CBL: variants seen among roughly 807,000 people sequenced by gnomAD.
CBL encodes the protein E3 ubiquitin-protein ligase CBL.
CBL carries 45 observed loss-of-function variants against 96.9 expected under a neutral mutation model. That is an observed-to-expected ratio of 0.46 (90% CI 0.37 to 0.60). CBL has a LOEUF of 0.60. Among genes scored for constraint, CBL ranks in the 20% least tolerant of loss-of-function variants. The pLI is 0.00. For synonymous variants in CBL, 420 were observed against 426.8 expected (o/e 0.98, Z 0.20); for missense variants, 1,024 against 1,143.5 (o/e 0.90, Z 1.51).
rs909575187 is a variant in CBL at position 119,306,268 on chromosome 11, C to T, written c.*6487C>T. The T allele has an allele frequency of 2.5e-6, 1 of 398,620 alleles. No homozygotes were observed. Among genetic ancestry groups the T allele is most frequent in the East Asian group, 3.6e-5 (1 of 28,084 alleles). 24.7% of individuals were successfully genotyped at this position (398,620 alleles called of 1,614,324 possible). On this transcript the variant is annotated 3_prime_UTR_variant, in exon 16 of 16. Coordinates refer to ENST00000264033, the MANE Select transcript of CBL (RefSeq NM_005188.4). ...AGAGCTTGAGAAAAATGCAGCCGAC[C>T]ACTCCCTGTGTTTGTACAGAGCAAA...
In CBL at chr11:119,285,035, C is replaced by G; in HGVS notation, c.1498C>G (p.Leu500Val). The change falls in exon 10 of 16, where the codon CTT (leucine) becomes GTT (valine). Residue 500 changes from leucine to valine, a missense_variant. Leu to Val is a conservative substitution (Grantham distance 32, BLOSUM62 1). Coordinates refer to ENST00000264033, the MANE Select transcript of CBL (RefSeq NM_005188.4). ...TTCCCTTCCCCCGGTGCCACCACGA[C>G]TTGACCTTCTGCCGCAGCGAGTATG... is the stretch of plus-strand genomic sequence containing the variant. ...QASLPPVPPRLDLLPQRVCVP... is the reference protein window; with the variant it reads ...QASLPPVPPRVDLLPQRVCVP... 1 of 1,614,198 alleles carries G rather than the reference C, an allele frequency of 6.2e-7. No individual in the cohort carries two copies. The highest frequency in any genetic ancestry group is 8.5e-7 in the Non-Finnish European group (1 of 1,180,032).
rs1313551870 is a variant in CBL, at chr11:119,303,754, G to C, written c.*3973G>C. 26 of 233,544 alleles carry C rather than the reference G, an allele frequency of 1.1e-4. No homozygotes were observed. In the Admixed American group the frequency reaches 1.5e-3, roughly 13 times the overall value. The allele number at this position is 233,544 out of a possible 1,614,324, so 14.5% of individuals were successfully genotyped here. A position where few individuals can be genotyped will look rare whatever the true frequency, so the allele number is the denominator to read the frequency against. ...GTTTGGTGAGTTGAAAGGTAAGTTG[G>C]CTCAGAGTTGCACAGTAGGGCATTA... On this transcript the variant is annotated 3_prime_UTR_variant, in exon 16 of 16. Transcript: ENST00000264033.
chr11:119,256,583 G>A (rs1446781222), intron 2 of CBL, among the ~76,000 whole-genome samples: 1 of 151,804 alleles, frequency 6.6e-6, no homozygotes, highest in Admixed American at 6.6e-5. Flanking sequence ...TAACTTTAGG[G>A]ATACAGGTGG....
chr11:119,290,800 C>T (rs1950021515), intron 12 of CBL, among the ~76,000 whole-genome samples: 1 of 151,234 alleles, frequency 6.6e-6, no homozygotes. Context: ...CTCAGCCTCC[C>T]AAGTAATTAC....
chr11:119,228,829 A>G (rs1346353611), intron 1 of CBL, among the ~76,000 whole-genome samples: 4 of 141,452 alleles, frequency 2.8e-5, no homozygotes, highest in African/African-American at 1.1e-4. Context: ...TTTTTTTTGG[A>G]GACGTGGTTT....
chr11:119,208,815 CCTT>C (rs1949295387), intron 1 of CBL, among the ~76,000 whole-genome samples: 1 of 152,102 alleles, frequency 6.6e-6, no homozygotes. Flanking sequence ...AAGTCTTACT[CCTT>C]CATCTATTTA....
At chr11:119,216,766 GAA>G (rs1949364298) in intron 1 of CBL, among the ~76,000 whole-genome samples, 1 of 152,040 alleles carries the variant, frequency 6.6e-6, no homozygotes, top group African/African-American at 2.4e-5. Flanking sequence ...ACGAAATGTA[GAA>G]GTCTCCTTTT....
At chr11:119,230,083 C>G (rs1365600094) in intron 1 of CBL, among the ~76,000 whole-genome samples, 1 of 151,750 alleles carries the variant, frequency 6.6e-6, no homozygotes, top group Non-Finnish European at 1.5e-5. Flanking sequence ...TATCCATAGA[C>G]TAGAATTATT....
chr11:119,273,749 C>T (rs1015719338), intron 3 of CBL, 119 bp from the exon 4 acceptor site: 47 of 865,268 alleles, frequency 5.4e-5, no homozygotes, highest in South Asian at 3.1e-4. Context: ...TTTTGAATTA[C>T]GAGAATTGAA....
chr11:119,296,847 C>G, intron 12 of CBL, 71 bp from the exon 13 acceptor site: 2 of 785,460 alleles, frequency 2.5e-6, no homozygotes, highest in Non-Finnish European at 4.5e-6. Flanking sequence ...TGTTTTTAAG[C>G]CATTTATTTT....
intron 1 of CBL, among the ~76,000 whole-genome samples, chr11:119,219,690 T>A (rs998747214): frequency 1.2e-4 from 18 of 151,818 alleles, no homozygotes; most frequent in African/African-American, 4.1e-4. Flanking sequence ...CCTTTTTTTT[T>A]TTTTTTATTT....
intron 1 of CBL, among the ~76,000 whole-genome samples, chr11:119,224,934 AAG>A (rs1949445466): frequency 6.6e-6 from 1 of 152,000 alleles, no homozygotes; most frequent in Non-Finnish European, 1.5e-5. Context: ...TTTATTGAAA[AAG>A]AACTTCGTAT....
rs532317818 is a variant in CBL at position 119,277,862 on chromosome 11, T to G, written c.1095+18T>G. The G allele has an allele frequency of 7.0e-5, 107 of 1,525,564 alleles. No homozygotes were observed. In the African/African-American group the frequency reaches 1.3e-3, roughly 19 times the overall value. The allele number at this position is 1,525,564 out of a possible 1,614,324, so 94.5% of individuals were successfully genotyped here. Reference sequence around the variant, plus strand: ...TGACCCAGGTGAGTTTTGTTTCACATGATAACCATATCACTGGACACAAGC... The same window carrying G: ...TGACCCAGGTGAGTTTTGTTTCACAGGATAACCATATCACTGGACACAAGC... On this transcript the variant is annotated intron_variant, in intron 7 of 15. Coordinates refer to ENST00000264033, the MANE Select transcript of CBL (RefSeq NM_005188.4).
intron 2 of CBL, among the ~76,000 whole-genome samples, chr11:119,264,394 TTCTCTTCTCTTCTC>T (rs1949780878): frequency 1.8e-5 from 1 of 55,610 alleles, no homozygotes; most frequent in East Asian, 8.8e-4. Context: ...TTCTTTTCTC[TTCTCTTCTCTTCTC>T]TTCTCTTCTC....
chr11:119,261,146 T>C (rs1949750943), intron 2 of CBL, among the ~76,000 whole-genome samples: 1 of 151,990 alleles, frequency 6.6e-6, no homozygotes, highest in African/African-American at 2.4e-5. Context: ...ACTCCTGACC[T>C]CAGGTGAGCC....
At position 119,278,181 on chromosome 11, in the gene CBL, T is replaced by A. The variant is rs267606706; in HGVS notation, c.1111T>A (p.Tyr371Asn). 1 of 1,602,366 alleles carries A rather than the reference T, an allele frequency of 6.2e-7. No individual in the cohort carries two copies. The highest frequency in any genetic ancestry group is 8.6e-7 in the Non-Finnish European group (1 of 1,169,258). ...IKVTQEQYEL[Y>N]CEMGSTFQLC... ...TTAATCAAAGGAACAATATGAATTATACTGTGAGATGGGCTCCACATTCCA... is the reference window on the plus strand; with the variant it reads ...TTAATCAAAGGAACAATATGAATTAAACTGTGAGATGGGCTCCACATTCCA... The change falls in exon 8 of 16, where the codon TAC (tyrosine) becomes AAC (asparagine). Residue 371 changes from tyrosine to asparagine, a missense_variant. Tyr to Asn is a moderately radical substitution (Grantham distance 143). Transcript: ENST00000264033.
rs886047784 is a variant in CBL, at chr11:119,302,335, G to C, written c.*2554G>C. ...GTTTTCATGTGGCTTTTGTTTTGAG[G>C]TTATTCTCAAAACCTTAATTTCTTA... is the stretch of plus-strand genomic sequence containing the variant. On this transcript the variant is annotated 3_prime_UTR_variant, in exon 16 of 16. Coordinates refer to ENST00000264033, the MANE Select transcript of CBL (RefSeq NM_005188.4). The C allele has an allele frequency of 2.5e-4, 58 of 232,684 alleles. 1 individual carries two copies. The highest frequency in any genetic ancestry group is 6.8e-5 in the Non-Finnish European group (8 of 117,750). The allele number at this position is 232,684 out of a possible 1,614,324, so 14.4% of individuals were successfully genotyped here.
chr11:119,294,706 G>A (rs1457510451), intron 12 of CBL, among the ~76,000 whole-genome samples: 12 of 151,430 alleles, frequency 7.9e-5, no homozygotes, highest in South Asian at 2.1e-4. Flanking sequence ...CAGGAGAATC[G>A]CTTGAACCTG....
chr11:119,244,491 C>T (rs756774708), intron 2 of CBL, among the ~76,000 whole-genome samples: 3 of 151,448 alleles, frequency 2.0e-5, no homozygotes, highest in Non-Finnish European at 2.9e-5. Flanking sequence ...AATCTTGGCT[C>T]ACCGCAGCCT....
Sources: allele counts gnomAD v4.1 joint callset (sites outside exome capture counted in the v4.1 genomes callset), GRCh38; gene constraint gnomAD v4.1.1; transcripts MANE v1.5; gene names NCBI Gene and HGNC (gene_info 2026-07-23, HGNC 2026-07-21).